CFAP54: variants seen among roughly 807,000 people sequenced by gnomAD.
CFAP54 encodes the protein cilia and flagella associated protein 54, also known as cilia- and flagella-associated protein 54.
In CFAP54, 290 loss-of-function variants were observed where a neutral mutation model predicts 370.4. The observed-to-expected ratio is 0.78, with a 90% CI of 0.71 to 0.86. CFAP54 has a LOEUF of 0.86. Ranked by LOEUF, CFAP54 falls within the 40% of genes least tolerant of loss-of-function variation. CFAP54 has a pLI of 0.00. For missense variants in CFAP54, 3,399 were observed against 3,528.7 expected, an observed-to-expected ratio of 0.96 and a Z score of 0.93; for synonymous variants, 1,206 against 1,236.5, an observed-to-expected ratio of 0.98 and a Z score of 0.52.
intron 66 of CFAP54, among the ~76,000 whole-genome samples, chr12:96,856,194 C>T (rs1959699325): frequency 6.6e-6 from 1 of 152,188 alleles, no homozygotes; most frequent in Non-Finnish European, 1.5e-5. Context: ...GGACCCGGCC[C>T]CTGAAGCCAT....
At chr12:96,542,496 T>C (rs1356579162) in intron 14 of CFAP54, among the ~76,000 whole-genome samples, 1 of 152,190 alleles carries the variant, frequency 6.6e-6, no homozygotes. Flanking sequence ...ACTTTAAATA[T>C]AAGGTGGAGA....
chr12:96,593,335 T>A (rs910829805), intron 24 of CFAP54, among the ~76,000 whole-genome samples: 3 of 152,122 alleles, frequency 2.0e-5, no homozygotes, highest in Non-Finnish European at 4.4e-5. Flanking sequence ...ATGTTTTAGC[T>A]GTCTATGTTT....
chr12:96,564,262 T>TCTGTC (rs1454633887), intron 17 of CFAP54, among the ~76,000 whole-genome samples: 1 of 152,200 alleles, frequency 6.6e-6, no homozygotes, highest in African/African-American at 2.4e-5. Context: ...TGGAATTTCT[T>TCTGTC]CTGTCCTGAG....
At chr12:96,691,801 A>T (rs1957391213) in intron 44 of CFAP54, among the ~76,000 whole-genome samples, 1 of 152,194 alleles carries the variant, frequency 6.6e-6, no homozygotes. Context: ...GTCCTAGGAA[A>T]TAAAAAATCC....
At chr12:96,716,699 A>C (rs1356155964) in intron 48 of CFAP54, among the ~76,000 whole-genome samples, 1 of 151,984 alleles carries the variant, frequency 6.6e-6, no homozygotes, top group African/African-American at 2.4e-5. Context: ...CATCTGAAAC[A>C]CTCTGCTCTG....
chr12:96,704,441 AAT>A (rs1183636741), intron 46 of CFAP54, among the ~76,000 whole-genome samples: 7 of 112,248 alleles, frequency 6.2e-5, no homozygotes, highest in Admixed American at 1.1e-4. Flanking sequence ...AAAAAAAAAA[AAT>A]GTATGTGTGT....
At chr12:96,671,341 T>C (rs1957143574) in intron 39 of CFAP54, among the ~76,000 whole-genome samples, 1 of 152,190 alleles carries the variant, frequency 6.6e-6, no homozygotes, top group Admixed American at 6.5e-5. Context: ...ATATGTTTTC[T>C]TTTTTTCTGA....
At chr12:96,712,737 C>A (rs926931027) in intron 48 of CFAP54, among the ~76,000 whole-genome samples, 1 of 152,144 alleles carries the variant, frequency 6.6e-6, no homozygotes, top group Non-Finnish European at 1.5e-5. Flanking sequence ...GAAAACAATT[C>A]TTTTCTTAGC....
chr12:96,539,660 G>A (rs1294087139), intron 13 of CFAP54, among the ~76,000 whole-genome samples: 1 of 151,916 alleles, frequency 6.6e-6, no homozygotes, highest in Non-Finnish European at 1.5e-5. Flanking sequence ...GGACAACAGA[G>A]TGAAACTCTG....
intron 60 of CFAP54, among the ~76,000 whole-genome samples, chr12:96,782,769 G>A (rs911943581): frequency 2.0e-5 from 3 of 152,104 alleles, no homozygotes; most frequent in African/African-American, 7.2e-5. Context: ...GGCAAGATTG[G>A]TCAAAAGATA....
chr12:96,871,519 T>C (rs1960166590), intron 67 of CFAP54, among the ~76,000 whole-genome samples: 1 of 152,148 alleles, frequency 6.6e-6, no homozygotes, highest in African/African-American at 2.4e-5. Context: ...AATTACTTTA[T>C]ATACAAAGAA....
chr12:96,859,387 C>CTTT (rs1045301087), intron 66 of CFAP54, among the ~76,000 whole-genome samples: 2 of 126,970 alleles, frequency 1.6e-5, no homozygotes, highest in South Asian at 2.3e-4. Flanking sequence ...CCAGAATGCA[C>CTTT]TTTTTGTTTG....
chr12:96,591,489 T>TAGAG (rs1211109542), intron 23 of CFAP54, among the ~76,000 whole-genome samples: 1 of 151,254 alleles, frequency 6.6e-6, no homozygotes, highest in Non-Finnish European at 1.5e-5. Context: ...AGGCAGCCAG[T>TAGAG]AGAGAGAGAG....
chr12:96,817,394 A>G (rs1413498846), intron 64 of CFAP54, among the ~76,000 whole-genome samples: 2 of 151,812 alleles, frequency 1.3e-5, no homozygotes, highest in African/African-American at 4.8e-5. Context: ...CTTACTTTAT[A>G]CAAGTTATTG....
intron 63 of CFAP54, among the ~76,000 whole-genome samples, chr12:96,807,086 A>G (rs1454858720): frequency 2.6e-5 from 4 of 152,204 alleles, no homozygotes; most frequent in Non-Finnish European, 5.9e-5. Flanking sequence ...ATCATATAGT[A>G]GGTTCCATTG....
At chr12:96,741,278 T>G (rs1485048591) in intron 51 of CFAP54, among the ~76,000 whole-genome samples, 2 of 147,532 alleles carry the variant, frequency 1.4e-5, no homozygotes, top group Non-Finnish European at 2.9e-5. Flanking sequence ...GCAATTCTCC[T>G]GACTCAGCCT....
chr12:96,794,308 C>T (rs1282642640), intron 63 of CFAP54, among the ~76,000 whole-genome samples: 4 of 152,132 alleles, frequency 2.6e-5, no homozygotes, highest in African/African-American at 9.7e-5. Context: ...GCGACATTTT[C>T]CTTGATTGTT....
intron 38 of CFAP54, among the ~76,000 whole-genome samples, chr12:96,659,291 G>A (rs908560543): frequency 2.0e-5 from 3 of 151,908 alleles, no homozygotes; most frequent in Non-Finnish European, 1.5e-5. Flanking sequence ...CTGCCAACAC[G>A]CCCGGCTAAT....
chr12:96,775,144 T>C (rs2136683062), intron 60 of CFAP54, among the ~76,000 whole-genome samples: 1 of 152,272 alleles, frequency 6.6e-6, no homozygotes, highest in East Asian at 1.9e-4. Context: ...AAAACTTTAC[T>C]GTGGGCCGGG....
Sources: gnomAD v4.1 joint callset for allele counts (sites outside exome capture counted in the v4.1 genomes callset) on GRCh38, gnomAD v4.1.1 for gene constraint, MANE v1.5 for transcripts, NCBI Gene and HGNC (gene_info 2026-07-23, HGNC 2026-07-21) for gene names.